The following ACSL3 variants were observed in gnomAD, a reference collection of about 807,000 sequenced individuals.
ACSL3 encodes fatty acid CoA ligase Acsl3.
In ACSL3, 34 loss-of-function variants were observed where a neutral mutation model predicts 84.7. The observed-to-expected ratio is 0.40, with a 90% CI of 0.31 to 0.53. The LOEUF (loss-of-function observed/expected upper bound fraction) is 0.53, where lower values mean the gene tolerates loss of function less well. Among genes scored for constraint, ACSL3 ranks in the 20% least tolerant of loss-of-function variants. ACSL3 has a pLI of 0.48. For missense variants in ACSL3, 680 were observed against 873.1 expected (o/e 0.78, Z 2.79); for synonymous variants, 315 against 299.4 (o/e 1.05, Z -0.54).
intron 1 of ACSL3, among the ~76,000 whole-genome samples, chr2:222,868,969 C>CAAA (rs113574316): frequency 1.7e-5 from 2 of 114,816 alleles, no homozygotes; most frequent in Non-Finnish European, 3.7e-5. Context: ...GACGCTGTCT[C>CAAA]AAAAAAAAAA....
At chr2:222,928,515 A>T (rs912831381) in intron 12 of ACSL3, among the ~76,000 whole-genome samples, 24 of 152,300 alleles carry the variant, frequency 1.6e-4, no homozygotes, top group African/African-American at 5.1e-4. Context: ...ATTGATTCTG[A>T]GGGAACAGGA....
intron 4 of ACSL3, among the ~76,000 whole-genome samples, chr2:222,914,589 GTTTCAGAGGTA>G (rs1696528395): frequency 1.3e-5 from 2 of 152,132 alleles, no homozygotes; most frequent in African/African-American, 4.8e-5. Flanking sequence ...TAGAGAGAAG[GTTTCAGAGGTA>G]TTTCAGAGGG....
chr2:222,924,297 T>A (rs1696817159), intron 10 of ACSL3, among the ~76,000 whole-genome samples, 159 bp from the exon 11 acceptor site: 1 of 152,230 alleles, frequency 6.6e-6, no homozygotes, highest in Admixed American at 6.5e-5. Flanking sequence ...TTTGAAAAAT[T>A]CACAAAAGGT....
At chr2:222,903,125 A>C (rs996617286) in intron 3 of ACSL3, among the ~76,000 whole-genome samples, 3 of 152,228 alleles carry the variant, frequency 2.0e-5, no homozygotes, top group African/African-American at 7.2e-5. Context: ...AAATAGACGT[A>C]AAATTGAAGG....
intron 3 of ACSL3, among the ~76,000 whole-genome samples, chr2:222,902,988 A>G (rs1696190057): frequency 6.6e-6 from 1 of 152,168 alleles, no homozygotes; most frequent in African/African-American, 2.4e-5. Flanking sequence ...CTGCCTAGGT[A>G]TTTGTCTGCC....
At chr2:222,880,614 A>G (rs1218785055) in intron 1 of ACSL3, among the ~76,000 whole-genome samples, 8 of 151,968 alleles carry the variant, frequency 5.3e-5, no homozygotes, top group South Asian at 2.1e-4. Context: ...GGATCACGAG[A>G]TCAGGAGATC....
At chr2:222,918,986 GA>G (rs1696657228) in intron 6 of ACSL3, 77 bp from the exon 7 acceptor site, 2 of 1,526,400 alleles carry the variant, frequency 1.3e-6, no homozygotes, top group Non-Finnish European at 1.8e-6. Context: ...ATGATTCACC[GA>G]ATATGGTAAA....
At chr2:222,933,618 G>A (rs1450609097) in intron 15 of ACSL3, 1 of 175,470 alleles carries the variant, frequency 5.7e-6, no homozygotes, top group African/African-American at 2.4e-5. Flanking sequence ...AGAGGAATGG[G>A]GAGTAAAGAA....
chr2:222,890,960 A>G (rs1429014940), intron 2 of ACSL3, among the ~76,000 whole-genome samples: 1 of 152,196 alleles, frequency 6.6e-6, no homozygotes, highest in Non-Finnish European at 1.5e-5. Flanking sequence ...GGTATATTTA[A>G]AAGTGAATTT....
rs780729696 is a variant in ACSL3 at position 222,909,020 on chromosome 2, C to T, written c.248C>T (p.Pro83Leu). Residue 83 changes from proline (P) to leucine (L), a missense_variant, in exon 4 of 17, where the codon CCT becomes CTT. By Grantham distance (98) the Pro-to-Leu change is moderately conservative (BLOSUM62 -3). Coordinates refer to ENST00000357430, the MANE Select transcript of ACSL3 (RefSeq NM_004457.5). ...SLDGLASVLYPGCDTLDKVFT... is the reference protein window; with the variant it reads ...SLDGLASVLYLGCDTLDKVFT... ...GATGGTTTGGCTTCAGTATTATACC[C>T]TGGATGTGATACTTTAGATAAAGTT... is the stretch of plus-strand genomic sequence containing the variant. 3.1e-6 allele frequency: 5 copies of T among 1,613,478 alleles called. No homozygotes were observed. Among genetic ancestry groups the T allele is most frequent in the African/African-American group, 2.7e-5 (2 of 74,890 alleles).
chr2:222,901,943 C>CAA (rs765995360), intron 3 of ACSL3, among the ~76,000 whole-genome samples: 5 of 12,338 alleles, frequency 4.1e-4, no homozygotes, highest in Admixed American at 8.5e-4. Context: ...GACTCGGTCT[C>CAA]AAAAAAAAAA....
intron 3 of ACSL3, among the ~76,000 whole-genome samples, chr2:222,903,438 G>A (rs1035720828): frequency 6.6e-6 from 1 of 152,174 alleles, no homozygotes; most frequent in African/African-American, 2.4e-5. Flanking sequence ...CACCATGCTG[G>A]CCTGTTTTTC....
At chr2:222,934,774 A>G in intron 16 of ACSL3, 87 bp downstream of exon 16, 1 of 1,389,146 alleles carries the variant, frequency 7.2e-7, no homozygotes, top group South Asian at 1.4e-5. Flanking sequence ...TTTAGGGTTC[A>G]TTACTTTCTG....
chr2:222,908,884 T>C lies in ACSL3; in HGVS notation c.112T>C (p.Tyr38His), dbSNP rs1696366141. 6.2e-7 allele frequency: 1 copy of C among 1,611,056 alleles called. No individual in the cohort carries two copies. The highest frequency in any genetic ancestry group is 8.5e-7 in the Non-Finnish European group (1 of 1,178,174). Residue 38 changes from tyrosine to histidine, a missense_variant, in exon 4 of 17, where the codon TAC becomes CAC. Physicochemically the swap from Tyr to His is moderately conservative, Grantham distance 83. Around this residue, in one of 2 missense-constraint regions of ACSL3, gnomAD observed 333 missense variants for 347.5 expected, o/e 0.96. Transcript: ENST00000357430. Reference protein sequence around the residue: ...FLISLYTILTYIPFYFFSESR... With the variant: ...FLISLYTILTHIPFYFFSESR... The stretch of plus-strand genomic sequence containing the variant: ...AATATCACTTTATACTATTTTAACA[T>C]ACATTCCGTTTTATTTTTTCTCCGA...
chr2:222,895,498 T>A lies in ACSL3; in HGVS notation c.-147-5176T>A, dbSNP rs57894536. Among the ~76,000 whole-genome samples the A allele has an allele frequency of 5.2e-4, 13 of 25,154 alleles. 5 individuals carry two copies. Among genetic ancestry groups the A allele is most frequent in the African/African-American group, 6.8e-4 (2 of 2,950 alleles). The allele number at this position is 25,154 out of a possible 152,430, so 16.5% of individuals were successfully genotyped here. ...TTTTTTTTTTTTTTTTTTTTTTTTT[T>A]ATTGATCATTCTTGGGTGTTTCTCG... is the stretch of plus-strand genomic sequence containing the variant. On this transcript the variant is annotated intron_variant, in intron 2 of 16. Coordinates refer to ENST00000357430, the MANE Select transcript of ACSL3 (RefSeq NM_004457.5).
intron 10 of ACSL3, 29 bp downstream of exon 10, chr2:222,923,178 GT>G: frequency 6.5e-7 from 1 of 1,546,684 alleles, no homozygotes. Context: ...TTAATATTGA[GT>G]ATTAAAGAAG....
chr2:222,874,961 A>G lies in ACSL3; in HGVS notation c.-206-12869A>G, dbSNP rs144160786. Among the ~76,000 whole-genome samples, 461 of 152,218 alleles carry G rather than the reference A, an allele frequency of 3.0e-3. 5 individuals are homozygous for G. Among genetic ancestry groups the G allele is most frequent in the African/African-American group, 9.8e-3 (406 of 41,548 alleles). On this transcript the variant is annotated intron_variant, in intron 1 of 16. Coordinates refer to ENST00000357430, the MANE Select transcript of ACSL3 (RefSeq NM_004457.5). ...GTCTCTACCAACAAAAAAAAAAGAT[A>G]TAAAAGTAAAAATAGAATTGAAGAA...
intron 3 of ACSL3, among the ~76,000 whole-genome samples, chr2:222,903,087 T>C (rs1238675733): frequency 6.6e-6 from 1 of 151,740 alleles, no homozygotes; most frequent in Non-Finnish European, 1.5e-5. Flanking sequence ...GTAGCATCAG[T>C]AAAAATGGTA....
At chr2:222,929,797 A>G (rs559225515) in intron 13 of ACSL3, among the ~76,000 whole-genome samples, 26 of 130,514 alleles carry the variant, frequency 2.0e-4, no homozygotes, top group East Asian at 1.9e-4. Flanking sequence ...ATAAATAAAG[A>G]AAGATTCTAA....
Sources: allele counts gnomAD v4.1 joint callset (sites outside exome capture counted in the v4.1 genomes callset), GRCh38; gene constraint gnomAD v4.1.1; regional missense constraint gnomAD v4.1.1; transcripts MANE v1.5; gene names NCBI Gene and HGNC (gene_info 2026-07-23, HGNC 2026-07-21).